The following BEND3 variants were observed in gnomAD, a reference collection of about 807,000 sequenced individuals.
The protein encoded by BEND3 is BEN domain containing 3, also known as BEN domain-containing protein 3.
Under a neutral mutation model 60.1 loss-of-function variants are expected in BEND3, and 13 were observed. That is an observed-to-expected ratio of 0.22 (90% CI 0.14 to 0.34). BEND3 has a LOEUF of 0.34. Among genes scored for constraint, BEND3 ranks in the 10% least tolerant of loss-of-function variants. The pLI, the probability that BEND3 is intolerant of heterozygous loss-of-function variation, is 1.00. For missense variants in BEND3, 896 were observed against 1,138.1 expected, an observed-to-expected ratio of 0.79 and a Z score of 3.06; for synonymous variants, 497 against 491.5, an observed-to-expected ratio of 1.01 and a Z score of -0.15.
chr6:107,091,316 G>A (rs192374119), intron 3 of BEND3, among the ~76,000 whole-genome samples: 54 of 151,924 alleles, frequency 3.6e-4, no homozygotes, highest in African/African-American at 1.3e-3. Context: ...AATTAGTGTA[G>A]AAATCAATGA....
At chr6:107,077,493 G>A (rs1373255736) in intron 3 of BEND3, among the ~76,000 whole-genome samples, 3 of 152,062 alleles carry the variant, frequency 2.0e-5, no homozygotes, top group Non-Finnish European at 2.9e-5. Context: ...CTGCTCTCAC[G>A]GCTCTTACTC....
chr6:107,079,624 C>T (rs939304547), intron 3 of BEND3, among the ~76,000 whole-genome samples: 1 of 152,176 alleles, frequency 6.6e-6, no homozygotes, highest in African/African-American at 2.4e-5. Flanking sequence ...ACCCCCATCG[C>T]ATGCCCTGCA....
At chr6:107,080,755 G>A (rs1480836132) in intron 3 of BEND3, among the ~76,000 whole-genome samples, 4 of 151,896 alleles carry the variant, frequency 2.6e-5, no homozygotes, top group South Asian at 2.1e-4. Context: ...GTGGTGGTGC[G>A]CACCTGTAAC....
At chr6:107,075,372 C>T (rs900585739) in intron 3 of BEND3, among the ~76,000 whole-genome samples, 2 of 152,114 alleles carry the variant, frequency 1.3e-5, no homozygotes, top group African/African-American at 4.8e-5. Context: ...TACTTATTTA[C>T]AAATTCATAC....
chr6:107,070,617 T>C lies in BEND3; in HGVS notation c.574A>G (p.Ile192Val), dbSNP rs782097354. ...AACATCTTCTGGATCAGGAAGTAGA[T>C]GTTGGGGTCGTTGTCAGTGCCTGCC... ...TGAGTDNDPN[I>V]YFLIQKMFYM... is the part of the protein sequence containing the mutation. The change falls in exon 4 of 4, where the codon ATC becomes GTC. Residue 192 changes from isoleucine to valine, a missense_variant. Coordinates refer to ENST00000369042, the MANE Select transcript of BEND3 (RefSeq NM_001367314.1). This position sits in a 1 kb window ranked among gnomAD's most constrained non-coding sequence, Gnocchi z 6.9. The C allele has an allele frequency of 3.7e-6, 6 of 1,612,250 alleles. No individual in the cohort carries two copies. The highest frequency in any genetic ancestry group is 2.7e-5 in the African/African-American group (2 of 74,966).
rs781947441 is a variant in BEND3 at position 107,069,769 on chromosome 6, C to G, written c.1422G>C (p.Gln474His). 6.2e-7 allele frequency: 1 copy of G among 1,612,834 alleles called. No individual in the cohort carries two copies. The highest frequency in any genetic ancestry group is 8.5e-7 in the Non-Finnish European group (1 of 1,180,028). ...GGCCCTCGAGCTCGTCGTTGATGCG[C>G]TGGGCACACTGCTGCAGCCAGGCCT... ...EEEAWLQQCAQRINDELEGLG... is the reference protein window; with the variant it reads ...EEEAWLQQCAHRINDELEGLG... The change falls in exon 4 of 4, where the codon CAG becomes CAC. Residue 474 changes from glutamine to histidine, a missense_variant. Transcript: ENST00000369042.
In BEND3 at chr6:107,069,724, A is replaced by G; in HGVS notation, c.1467T>C (p.Ser489=). 1 of 1,611,108 alleles carries G rather than the reference A, an allele frequency of 6.2e-7. No individual in the cohort carries two copies. The highest frequency in any genetic ancestry group is 2.2e-5 in the East Asian group (1 of 44,858). The part of the protein sequence containing the change: ...ELEGLGLDAG[S]EGDPPRDDCY... ...AGTCATCACGCGGGGGGTCGCCTTC[A>G]CTGCCCGCGTCCAGCCCCAGGCCCT... Residue 489 remains serine (S), a synonymous_variant, in exon 4 of 4, where the codon AGT becomes AGC. Coordinates refer to ENST00000369042, the MANE Select transcript of BEND3 (RefSeq NM_001367314.1).
intron 3 of BEND3, among the ~76,000 whole-genome samples, chr6:107,081,608 A>C (rs1341567826): frequency 6.6e-6 from 1 of 152,130 alleles, no homozygotes; most frequent in Non-Finnish European, 1.5e-5. Flanking sequence ...AAGTACAGTA[A>C]ATACACGTGA....
intron 1 of BEND3, among the ~76,000 whole-genome samples, chr6:107,103,954 A>C (rs1247076243): frequency 1.6e-5 from 2 of 128,076 alleles, no homozygotes; most frequent in Non-Finnish European, 3.2e-5. Context: ...GTCTCAAAAA[A>C]AAAAAAAAGA....
chr6:107,087,478 G>A (rs987391403), intron 3 of BEND3, among the ~76,000 whole-genome samples: 2 of 152,000 alleles, frequency 1.3e-5, no homozygotes, highest in African/African-American at 2.4e-5. Flanking sequence ...ACAGATGGTC[G>A]GCGAGGCGCA....
rs782517357 is a variant in BEND3, at chr6:107,069,441, C to T, written c.1750G>A (p.Glu584Lys). The change falls in exon 4 of 4, where the codon GAG (glutamate) becomes AAG (lysine). Residue 584 changes from glutamate to lysine, a missense_variant. This residue lies in a region of BEND3 where 846 missense variants were observed against 1,036.7 expected (regional missense o/e 0.82). Transcript: ENST00000369042. The part of the protein sequence containing the change: ...ASRLLVHLFP[E>K]LFTHENLRKQ... ...CGCAGGTTCTCGTGCGTGAAGAGCT[C>T]GGGGAACAGGTGCACCAGCAGGCGC... 3 of 1,612,476 alleles carry T rather than the reference C, an allele frequency of 1.9e-6. No homozygotes were observed. Among genetic ancestry groups the T allele is most frequent in the South Asian group, 1.1e-5 (1 of 91,078 alleles).
chr6:107,101,642 C>G (rs188120719), intron 1 of BEND3, among the ~76,000 whole-genome samples: 1 of 152,150 alleles, frequency 6.6e-6, no homozygotes, highest in Non-Finnish European at 1.5e-5. Flanking sequence ...TTCAAGGGTC[C>G]GAGAACTATT....
chr6:107,069,413 T>C lies in BEND3; in HGVS notation c.1778A>G (p.Lys593Arg). The C allele has an allele frequency of 1.2e-6, 2 of 1,612,672 alleles. No homozygotes were observed. Among genetic ancestry groups the C allele is most frequent in the Non-Finnish European group, 1.7e-6 (2 of 1,179,968 alleles). Residue 593 changes from lysine (K) to arginine (R), a missense_variant, in exon 4 of 4, where the codon AAG becomes AGG. Around this residue, in one of 4 missense-constraint regions of BEND3, gnomAD observed 846 missense variants for 1,036.7 expected, o/e 0.82. Transcript: ENST00000369042. ...CAGGGAGCCGCTGCAGTTGTACTGCTTGCGCAGGTTCTCGTGCGTGAAGAG... is the reference window on the plus strand; with the variant it reads ...CAGGGAGCCGCTGCAGTTGTACTGCCTGCGCAGGTTCTCGTGCGTGAAGAG... ...PELFTHENLR[K>R]QYNCSGSLGK...
intron 3 of BEND3, among the ~76,000 whole-genome samples, chr6:107,094,682 C>T (rs551651971): frequency 4.9e-4 from 74 of 151,538 alleles, no homozygotes; most frequent in Admixed American, 5.3e-4. Flanking sequence ...CAACAAACTC[C>T]ATCTCTACAA....
intron 3 of BEND3, among the ~76,000 whole-genome samples, chr6:107,078,040 T>C (rs1775135964): frequency 6.6e-6 from 1 of 152,166 alleles, no homozygotes; most frequent in African/African-American, 2.4e-5. Flanking sequence ...AATAAAAACT[T>C]TGGCTATGCA....
At chr6:107,073,759 T>C (rs1189533628) in intron 3 of BEND3, among the ~76,000 whole-genome samples, 1 of 151,664 alleles carries the variant, frequency 6.6e-6, no homozygotes, top group Admixed American at 6.6e-5. Context: ...TGGTGGTGTG[T>C]GCCTGTAGTC....
At chr6:107,110,624 G>T (rs1179248711) in intron 1 of BEND3, among the ~76,000 whole-genome samples, 2 of 152,020 alleles carry the variant, frequency 1.3e-5, no homozygotes, top group Non-Finnish European at 2.9e-5. Context: ...AGTGTGGCAC[G>T]ATCTTGGCTC....
rs187307723 is a variant in BEND3 at position 107,093,282 on chromosome 6, A to C, written c.240+5269T>G. Among the ~76,000 whole-genome samples the C allele has an allele frequency of 6.6e-5, 10 of 152,184 alleles. No individual in the cohort carries two copies. In the East Asian group the frequency reaches 9.7e-4, roughly 15 times the overall value. On this transcript the variant is annotated intron_variant, in intron 3 of 3. Transcript: ENST00000369042. ...GAGACCATCCTGGCTAATACGGTGA[A>C]ACCCCGTCTCTACTAAAAATACAAA... is the stretch of plus-strand genomic sequence containing the variant.
At chr6:107,111,981 CAAAAAAA>C (rs57840795) in intron 1 of BEND3, among the ~76,000 whole-genome samples, 3 of 145,318 alleles carry the variant, frequency 2.1e-5, no homozygotes, top group African/African-American at 7.9e-5. Flanking sequence ...GACTCCGTTT[CAAAAAAA>C]AAAAAAAAAA....
Sources: gnomAD v4.1 joint callset for allele counts (sites outside exome capture counted in the v4.1 genomes callset) on GRCh38, gnomAD v4.1.1 for gene constraint, gnomAD v4.1.1 regional missense constraint, Gnocchi (gnomAD v3.1) non-coding constraint, MANE v1.5 for transcripts, NCBI Gene and HGNC (gene_info 2026-07-23, HGNC 2026-07-21) for gene names.